Variants in MBNL1 observed in about 807,000 individuals in gnomAD.
MBNL1 encodes muscleblind-like protein 1.
In MBNL1, 8 loss-of-function variants were observed where a neutral mutation model predicts 42.2. The observed-to-expected ratio is 0.19, with a 90% CI of 0.11 to 0.34. The LOEUF is 0.34. MBNL1 is among the 10% of genes least tolerant of loss of function. The pLI is 1.00. For synonymous variants in MBNL1, 169 were observed against 173.9 expected, an observed-to-expected ratio of 0.97 and a Z score of 0.22; for missense variants, 309 against 495.3, an observed-to-expected ratio of 0.62 and a Z score of 3.57.
At position 152,373,415 on chromosome 3, in the gene MBNL1, C is replaced by T. The variant is rs573575660; in HGVS notation, c.175-41526C>T. Among the ~76,000 whole-genome samples, 28 of 150,842 alleles carry T rather than the reference C, an allele frequency of 1.9e-4. No individual in the cohort carries two copies. The South Asian group carries it at 5.9e-3, about 32-fold the overall frequency. On this transcript the variant is annotated intron_variant, in intron 2 of 9. Coordinates refer to ENST00000324210, the MANE Select transcript of MBNL1 (RefSeq NM_021038.5). ...GCCTAAATGGCTGCCCTGTTTTGCG[C>T]TTGAAACCCAGGGCCCTGGTAGTGT...
chr3:152,427,824 A>C (rs983573101), intron 3 of MBNL1, among the ~76,000 whole-genome samples: 1 of 151,238 alleles, frequency 6.6e-6, no homozygotes. Flanking sequence ...CTTTATATAC[A>C]TACATAAAAT....
chr3:152,329,246 T>C (rs563082514), intron 2 of MBNL1, among the ~76,000 whole-genome samples: 1 of 152,070 alleles, frequency 6.6e-6, no homozygotes, highest in Admixed American at 6.5e-5. Flanking sequence ...ATGTTAACAA[T>C]AAGAAAAAAA....
intron 2 of MBNL1, among the ~76,000 whole-genome samples, chr3:152,355,134 A>T (rs2095416946): frequency 6.6e-6 from 1 of 152,212 alleles, no homozygotes; most frequent in Non-Finnish European, 1.5e-5. Context: ...TGACAAAAAA[A>T]TCGTAAGTGA....
intron 2 of MBNL1, among the ~76,000 whole-genome samples, chr3:152,370,255 A>G (rs927068009): frequency 1.3e-5 from 2 of 152,088 alleles, no homozygotes; most frequent in Non-Finnish European, 2.9e-5. Flanking sequence ...TAATTTCATT[A>G]TTTACCCAGT....
At chr3:152,306,060 T>C (rs1171988131) in intron 2 of MBNL1, among the ~76,000 whole-genome samples, 4 of 152,250 alleles carry the variant, frequency 2.6e-5, no homozygotes, top group African/African-American at 9.6e-5. Flanking sequence ...GTTTGTCCTC[T>C]GGATTCCTGA....
chr3:152,251,276 G>T (rs903623219), intron 2 of MBNL1, among the ~76,000 whole-genome samples: 5 of 151,960 alleles, frequency 3.3e-5, no homozygotes, highest in African/African-American at 9.7e-5. Flanking sequence ...ATGTATTATT[G>T]TTAAGTGATA....
intron 2 of MBNL1, among the ~76,000 whole-genome samples, chr3:152,384,115 A>G (rs1261290781): frequency 1.3e-5 from 2 of 152,168 alleles, no homozygotes; most frequent in African/African-American, 4.8e-5. Context: ...TAGACTTCAT[A>G]TGCTTAGTGT....
At chr3:152,446,706 T>G (rs1022152078) in intron 5 of MBNL1, 3 of 1,613,870 alleles carry the variant, frequency 1.9e-6, no homozygotes, top group Non-Finnish European at 2.5e-6. Flanking sequence ...TAATTAAGAC[T>G]CAGTCGGCTG....
At chr3:152,455,619 T>G in intron 7 of MBNL1, 42 bp downstream of exon 7, 3 of 1,580,568 alleles carry the variant, frequency 1.9e-6, no homozygotes, top group Non-Finnish European at 2.6e-6. Context: ...AAACCTATGG[T>G]GTACCTCACA....
intron 1 of MBNL1, among the ~76,000 whole-genome samples, chr3:152,292,760 T>A (rs1420921236): frequency 6.6e-6 from 1 of 152,090 alleles, no homozygotes; most frequent in African/African-American, 2.4e-5. Flanking sequence ...TTTTAAAAAT[T>A]TATTTAATTA....
intron 2 of MBNL1, among the ~76,000 whole-genome samples, chr3:152,392,989 A>G (rs552620821): frequency 1.3e-5 from 2 of 152,280 alleles, no homozygotes; most frequent in South Asian, 4.1e-4. Flanking sequence ...GTTGGATCCT[A>G]AGTTTCTAGA....
intron 2 of MBNL1, among the ~76,000 whole-genome samples, chr3:152,322,005 G>T (rs1322610415): frequency 6.6e-6 from 1 of 151,896 alleles, no homozygotes; most frequent in Non-Finnish European, 1.5e-5. Flanking sequence ...TTTAGATACT[G>T]TTTTAAAAGC....
At chr3:152,397,132 G>C (rs2097993359) in intron 2 of MBNL1, among the ~76,000 whole-genome samples, 2 of 152,046 alleles carry the variant, frequency 1.3e-5, no homozygotes, top group African/African-American at 2.4e-5. Context: ...AGTTTCCCCA[G>C]CTTAAAAAAA....
intron 2 of MBNL1, among the ~76,000 whole-genome samples, chr3:152,310,564 ATTTG>A (rs2065777013): frequency 6.6e-6 from 1 of 152,254 alleles, no homozygotes; most frequent in Non-Finnish European, 1.5e-5. Context: ...GTGGGCAAGT[ATTTG>A]TTAAATCATT....
chr3:152,339,262 G>GA (rs1356038294), intron 2 of MBNL1, among the ~76,000 whole-genome samples: 1 of 151,802 alleles, frequency 6.6e-6, no homozygotes, highest in East Asian at 1.9e-4. Flanking sequence ...ATTTTAAAGG[G>GA]AAAAAAATTA....
chr3:152,446,374 AT>A (rs1235097272), intron 5 of MBNL1, among the ~76,000 whole-genome samples: 3 of 152,088 alleles, frequency 2.0e-5, no homozygotes, highest in African/African-American at 2.4e-5. Flanking sequence ...TTCTGTGTTT[AT>A]GGATACTTGA....
chr3:152,297,514 T>C (rs1453135241), intron 1 of MBNL1, among the ~76,000 whole-genome samples: 1 of 151,854 alleles, frequency 6.6e-6, no homozygotes, highest in Admixed American at 6.6e-5. Flanking sequence ...CATGCCCGGC[T>C]AATTTTTTGT....
chr3:152,317,642 A>G (rs2072918476), intron 2 of MBNL1, among the ~76,000 whole-genome samples: 1 of 152,018 alleles, frequency 6.6e-6, no homozygotes, highest in South Asian at 2.1e-4. Context: ...TATTTTTTTA[A>G]TCTTGAAATA....
chr3:152,329,967 C>T (rs1379612940), intron 2 of MBNL1, among the ~76,000 whole-genome samples: 1 of 151,750 alleles, frequency 6.6e-6, no homozygotes, highest in African/African-American at 2.4e-5. Flanking sequence ...CTGTCTATAT[C>T]ATACAAAAAT....
Sources: allele counts gnomAD v4.1 joint callset (sites outside exome capture counted in the v4.1 genomes callset), GRCh38; gene constraint gnomAD v4.1.1; transcripts MANE v1.5; gene names NCBI Gene and HGNC (gene_info 2026-07-23, HGNC 2026-07-21).